The following CRYBG1 variants were observed in gnomAD, a reference collection of about 807,000 sequenced individuals.
The protein encoded by CRYBG1 is crystallin beta-gamma domain containing 1, also known as beta/gamma crystallin domain-containing protein 1.
A neutral mutation model predicts 189.2 loss-of-function variants in CRYBG1; 139 were observed. The ratio of observed to expected loss-of-function variants is 0.73; its 90% confidence interval spans 0.64 to 0.85. The LOEUF is 0.85. Among genes scored for constraint, CRYBG1 ranks in the 40% least tolerant of loss-of-function variants. The probability of loss-of-function intolerance (pLI) is 0.00; values close to 1 mark genes in which losing one functional copy is unlikely to be tolerated. For missense variants in CRYBG1, 2,611 were observed against 2,675.8 expected, an observed-to-expected ratio of 0.98 and a Z score of 0.53; for synonymous variants, 1,023 against 1,017.1, an observed-to-expected ratio of 1.01 and a Z score of -0.11.
chr6:106,504,029 G>GAAAAAAAA (rs33971164), intron 2 of CRYBG1, among the ~76,000 whole-genome samples: 6 of 88,538 alleles, frequency 6.8e-5, no homozygotes, highest in Admixed American at 1.3e-4. Context: ...GACAGCATTA[G>GAAAAAAAA]AAAAAAAAAA....
At chr6:106,448,514 G>A (rs953475776) in intron 1 of CRYBG1, among the ~76,000 whole-genome samples, 7 of 152,102 alleles carry the variant, frequency 4.6e-5, no homozygotes, top group African/African-American at 1.7e-4. Context: ...ACACTGTGTC[G>A]ACTTAGTTTA....
intron 1 of CRYBG1, among the ~76,000 whole-genome samples, chr6:106,379,362 T>A (rs528677337): frequency 6.6e-6 from 1 of 151,678 alleles, no homozygotes; most frequent in South Asian, 2.1e-4. Context: ...CCCGGGTTCA[T>A]GCCATTCTCC....
chr6:106,566,645 C>G (rs939306899), intron 21 of CRYBG1, among the ~76,000 whole-genome samples: 1 of 151,586 alleles, frequency 6.6e-6, no homozygotes, highest in African/African-American at 2.4e-5. Flanking sequence ...CTAGCTACAA[C>G]AGTTTTAATT....
At chr6:106,522,253 A>T (rs1385327600) in intron 4 of CRYBG1, among the ~76,000 whole-genome samples, 1 of 152,198 alleles carries the variant, frequency 6.6e-6, no homozygotes, top group Non-Finnish European at 1.5e-5. Flanking sequence ...TCTCTGTGAG[A>T]TTCACTCTTT....
intron 2 of CRYBG1, among the ~76,000 whole-genome samples, chr6:106,476,098 A>G (rs1333307820): frequency 6.6e-6 from 1 of 152,248 alleles, no homozygotes; most frequent in East Asian, 1.9e-4. Context: ...GAAGAAAGAT[A>G]AGCCCCACCT....
chr6:106,452,178 A>T (rs564509393), intron 2 of CRYBG1, among the ~76,000 whole-genome samples: 1 of 148,564 alleles, frequency 6.7e-6, no homozygotes, highest in Non-Finnish European at 1.5e-5. Flanking sequence ...AGGCAGAGGC[A>T]GGCGGATCAC....
At chr6:106,450,069 AC>A (rs1411601563) in intron 1 of CRYBG1, among the ~76,000 whole-genome samples, 3 of 43,632 alleles carry the variant, frequency 6.9e-5, no homozygotes, top group Non-Finnish European at 9.5e-5. Flanking sequence ...CAATAAAAAT[AC>A]AAAAAAATTA....
At chr6:106,475,539 C>A (rs1467617518) in intron 2 of CRYBG1, among the ~76,000 whole-genome samples, 1 of 152,152 alleles carries the variant, frequency 6.6e-6, no homozygotes, top group African/African-American at 2.4e-5. Context: ...GATAAAGAGA[C>A]AGGCAAGCAC....
At chr6:106,400,842 A>C (rs186842114) in intron 1 of CRYBG1, among the ~76,000 whole-genome samples, 1 of 152,340 alleles carries the variant, frequency 6.6e-6, no homozygotes, top group Admixed American at 6.5e-5. Context: ...GTTTCACAAA[A>C]GACACATGTG....
Position 106,393,679 on chromosome 6 carries a change from CCTTT to C in CRYBG1, c.173+32599_173+32602del, listed in dbSNP as rs1479396312. 4.0e-5 allele frequency among the ~76,000 whole-genome samples: 4 copies of C among 100,586 alleles called. No homozygotes were observed. In the East Asian group the frequency reaches 1.4e-3, roughly 35 times the overall value. The allele number at this position is 100,586 out of a possible 152,430, so 66.0% of individuals were successfully genotyped here. On this transcript the variant is annotated intron_variant, in intron 1 of 21. Transcript: ENST00000633556. ...TTACTCTGTTTCTTCGTTTCCTCTT[CCTTT>C]TTTTTTTTTTTTTTAGGAGTCTTGC...
intron 2 of CRYBG1, among the ~76,000 whole-genome samples, chr6:106,458,477 T>C (rs1333905902): frequency 1.3e-5 from 2 of 152,246 alleles, no homozygotes; most frequent in African/African-American, 2.4e-5. Flanking sequence ...TCAGTACTTA[T>C]TGTACTGATT....
At chr6:106,399,370 T>C (rs1770674479) in intron 1 of CRYBG1, among the ~76,000 whole-genome samples, 1 of 152,240 alleles carries the variant, frequency 6.6e-6, no homozygotes, top group South Asian at 2.1e-4. Flanking sequence ...TCTAACTTTC[T>C]ACAGCAAAAA....
chr6:106,513,780 T>C (rs1340624), intron 3 of CRYBG1, among the ~76,000 whole-genome samples: 32,428 of 152,130 alleles, frequency 0.21, 3,904 homozygotes, highest in East Asian at 0.5. Context: ...GCCTAAGCCT[T>C]TTTCAAAAAG....
chr6:106,467,948 T>C (rs963376659), intron 2 of CRYBG1, among the ~76,000 whole-genome samples: 2 of 152,182 alleles, frequency 1.3e-5, no homozygotes, highest in African/African-American at 4.8e-5. Context: ...ATTATGGTCC[T>C]GAAGTAGGTT....
chr6:106,543,629 T>G, intron 11 of CRYBG1, 32 bp downstream of exon 11: 2 of 1,592,302 alleles, frequency 1.3e-6, no homozygotes, highest in Admixed American at 1.8e-5. Context: ...TAGGATTTCT[T>G]TTTTTTCCGA....
chr6:106,564,394 A>C (rs1167201521), intron 21 of CRYBG1, among the ~76,000 whole-genome samples: 2 of 152,246 alleles, frequency 1.3e-5, no homozygotes, highest in Non-Finnish European at 2.9e-5. Context: ...CTTTCATTGA[A>C]AAGATCTAAG....
chr6:106,542,222 A>G (rs934571847), intron 10 of CRYBG1, among the ~76,000 whole-genome samples: 17 of 121,572 alleles, frequency 1.4e-4, no homozygotes, highest in East Asian at 5.0e-4. Context: ...CACATTAGGG[A>G]AAAAAAAAAG....
intron 1 of CRYBG1, among the ~76,000 whole-genome samples, chr6:106,445,173 T>A (rs1771643746): frequency 6.6e-6 from 1 of 152,186 alleles, no homozygotes; most frequent in African/African-American, 2.4e-5. Context: ...TGGTGTAGCA[T>A]CCTTTACATA....
At chr6:106,453,655 T>C (rs1771826972) in intron 2 of CRYBG1, among the ~76,000 whole-genome samples, 2 of 152,220 alleles carry the variant, frequency 1.3e-5, no homozygotes, top group Admixed American at 6.5e-5. Flanking sequence ...TATCCTATAA[T>C]GTCTGCTGAA....
Sources: gnomAD v4.1 joint callset for allele counts (sites outside exome capture counted in the v4.1 genomes callset) on GRCh38, gnomAD v4.1.1 for gene constraint, MANE v1.5 for transcripts, NCBI Gene and HGNC (gene_info 2026-07-23, HGNC 2026-07-21) for gene names.